NACC2: variants seen among roughly 807,000 people sequenced by gnomAD.
The protein encoded by NACC2 is NACC family member 2, also known as nucleus accumbens-associated protein 2.
Under a neutral mutation model 25.1 loss-of-function variants are expected in NACC2, and 8 were observed. The ratio of observed to expected loss-of-function variants is 0.32; its 90% CI spans 0.19 to 0.57. The LOEUF is 0.57. NACC2 is among the 20% of genes least tolerant of loss of function. The pLI is 0.89. For missense variants in NACC2, 644 were observed against 650.2 expected (o/e 0.99, Z 0.10); for synonymous variants, 435 against 294.7 (o/e 1.48, Z -4.88).
chr9:136,082,812 G>C (rs1830337938), intron 1 of NACC2, among the ~76,000 whole-genome samples: 2 of 152,158 alleles, frequency 1.3e-5, no homozygotes, highest in South Asian at 4.1e-4. Flanking sequence ...CCGTTCTCTG[G>C]GTGTTGACTG....
intron 1 of NACC2, among the ~76,000 whole-genome samples, chr9:136,058,441 G>A (rs914522026): frequency 1.3e-5 from 2 of 152,232 alleles, no homozygotes; most frequent in African/African-American, 4.8e-5. Context: ...GGGCTCCGGA[G>A]GCTCCCCAGG....
At chr9:136,063,855 G>A (rs571367034) in intron 1 of NACC2, among the ~76,000 whole-genome samples, 71 of 146,584 alleles carry the variant, frequency 4.8e-4, no homozygotes, top group Admixed American at 1.1e-3. Context: ...CTGCACCCCA[G>A]CCTGGGAAAC....
Position 136,011,972 on chromosome 9 carries a change from G to A in NACC2, c.1308C>T (p.Ile436=), listed in dbSNP as rs749858972. Residue 436 remains isoleucine (I), a synonymous_variant, in exon 6 of 6, where the codon ATC becomes ATT. Coordinates refer to ENST00000277554, the MANE Select transcript of NACC2 (RefSeq NM_144653.5). ...PSFKESEMNV[I]AADMCTNARR... is the part of the protein sequence containing the mutation. ...GGGCGTTGGTGCACATGTCCGCGGC[G>A]ATCACGTTCATCTCGCTCTCCTTGA... 1.8e-5 allele frequency: 29 copies of A among 1,605,954 alleles called. No individual in the cohort carries two copies. The highest frequency in any genetic ancestry group is 6.7e-5 in the African/African-American group (5 of 74,760).
At chr9:136,026,482 G>T (rs1170766057) in intron 2 of NACC2, among the ~76,000 whole-genome samples, 1 of 152,062 alleles carries the variant, frequency 6.6e-6, no homozygotes, top group Admixed American at 6.6e-5. Flanking sequence ...AGGAGAGGAG[G>T]CTGAGGCTCT....
rs924403628 is a variant in NACC2 at position 136,084,268 on chromosome 9, A to AC, written c.-60+10920dup. Among the ~76,000 whole-genome samples, 10 of 151,434 alleles carry AC rather than the reference A, an allele frequency of 6.6e-5. No individual in the cohort carries two copies. The highest frequency in any genetic ancestry group is 2.9e-5 in the Non-Finnish European group (2 of 67,846). On this transcript the variant is annotated intron_variant, in intron 1 of 5. Coordinates refer to ENST00000277554, the MANE Select transcript of NACC2 (RefSeq NM_144653.5). This position sits in a 1 kb window ranked among gnomAD's most constrained non-coding sequence, Gnocchi z 5.1. The stretch of plus-strand genomic sequence containing the variant: ...ACCCAGACCTGGTCCTGGGTAGCCA[A>AC]CCCCTCCCCTACTGCATGCCCCAGC...
intron 2 of NACC2, among the ~76,000 whole-genome samples, chr9:136,046,547 C>T (rs1222779326): frequency 6.6e-6 from 1 of 152,176 alleles, no homozygotes. Context: ...CTGAGCGTCC[C>T]GAGCCAGCGT....
At position 136,007,300 on chromosome 9, in the gene NACC2, A is replaced by G. The variant is rs1392728303; in HGVS notation, c.*4216T>C. 1 of 154,420 alleles carries G rather than the reference A, an allele frequency of 6.5e-6. No homozygotes were observed. The highest frequency in any genetic ancestry group is 1.9e-4 in the East Asian group (1 of 5,194). The allele number at this position is 154,420 out of a possible 1,614,324, so 9.6% of individuals were successfully genotyped here. On this transcript the variant is annotated 3_prime_UTR_variant, in exon 6 of 6. Coordinates refer to ENST00000277554, the MANE Select transcript of NACC2 (RefSeq NM_144653.5). ...GAAAAACCTTTGCCATTTTAGAACC[A>G]TCTTGTACCAAACCCTAAATGCTCC... is the stretch of plus-strand genomic sequence containing the variant.
chr9:136,090,732 T>C (rs1394707397), intron 1 of NACC2, among the ~76,000 whole-genome samples: 4 of 152,146 alleles, frequency 2.6e-5, no homozygotes, highest in African/African-American at 7.2e-5. Context: ...GGCATGACTA[T>C]GCGGAGGCTG....
chr9:136,013,365 G>C lies in NACC2; in HGVS notation c.1158-69C>G. 1 of 1,441,676 alleles carries C rather than the reference G, an allele frequency of 6.9e-7. No individual in the cohort carries two copies. Among genetic ancestry groups the C allele is most frequent in the Non-Finnish European group, 9.6e-7 (1 of 1,040,304 alleles). The allele number at this position is 1,441,676 out of a possible 1,614,324, so 89.3% of individuals were successfully genotyped here. A position where few individuals can be genotyped will look rare whatever the true frequency, so the allele number is the denominator to read the frequency against. On this transcript the variant is annotated intron_variant, in intron 4 of 5. Transcript: ENST00000277554. This position sits in a 1 kb window ranked among gnomAD's most constrained non-coding sequence, Gnocchi z 6.6. ...GAGGGTACCTGGAGGCGACCCGCCC[G>C]CACGAATGCCCTGCTGGGAGGCCAC...
At chr9:136,072,018 A>G (rs970374717) in intron 1 of NACC2, among the ~76,000 whole-genome samples, 1 of 151,964 alleles carries the variant, frequency 6.6e-6, no homozygotes, top group Non-Finnish European at 1.5e-5. Flanking sequence ...TGGGTGGATC[A>G]CCTGAGGTCA....
At chr9:136,059,506 C>T (rs2131169731) in intron 1 of NACC2, among the ~76,000 whole-genome samples, 1 of 152,342 alleles carries the variant, frequency 6.6e-6, no homozygotes, top group East Asian at 1.9e-4. Flanking sequence ...ACCCGGGCCG[C>T]CTCCTTGGGT....
chr9:136,074,884 C>A (rs1374730563), intron 1 of NACC2, among the ~76,000 whole-genome samples: 1 of 152,184 alleles, frequency 6.6e-6, no homozygotes, highest in African/African-American at 2.4e-5. Flanking sequence ...CCAGCCGAGG[C>A]GGAGTCGGCA....
chr9:136,063,065 T>C (rs1367672179), intron 1 of NACC2, among the ~76,000 whole-genome samples: 2 of 152,232 alleles, frequency 1.3e-5, no homozygotes, highest in Non-Finnish European at 2.9e-5. Flanking sequence ...CTAATTTTTG[T>C]TCTCGTTGTT....
intron 1 of NACC2, among the ~76,000 whole-genome samples, chr9:136,051,464 G>A (rs990695572): frequency 6.6e-6 from 1 of 152,208 alleles, no homozygotes; most frequent in Non-Finnish European, 1.5e-5. Flanking sequence ...CCGGACCCCG[G>A]GGCTGGGAGC....
intron 2 of NACC2, among the ~76,000 whole-genome samples, chr9:136,044,557 A>C (rs1840690580): frequency 1.3e-5 from 2 of 151,996 alleles, no homozygotes; most frequent in Admixed American, 1.3e-4. Context: ...AGATGAAGGC[A>C]CCCTCTGCTC....
intron 1 of NACC2, among the ~76,000 whole-genome samples, chr9:136,094,422 G>C (rs1347188144): frequency 6.6e-6 from 1 of 152,216 alleles, no homozygotes; most frequent in Non-Finnish European, 1.5e-5. Flanking sequence ...CACGATCCCA[G>C]CAAGAGAAGC....
At chr9:136,091,421 C>T (rs962208693) in intron 1 of NACC2, among the ~76,000 whole-genome samples, 2 of 152,266 alleles carry the variant, frequency 1.3e-5, no homozygotes, top group Admixed American at 1.3e-4. Context: ...CAGTGAGGAC[C>T]CAGGCCCAGC....
chr9:136,036,240 G>A (rs1242309195), intron 2 of NACC2, among the ~76,000 whole-genome samples: 2 of 152,146 alleles, frequency 1.3e-5, no homozygotes, highest in African/African-American at 4.8e-5. Context: ...ATGAGAATGT[G>A]CCCAACGTCA....
chr9:136,065,764 G>A (rs530471169), intron 1 of NACC2, among the ~76,000 whole-genome samples: 22 of 150,800 alleles, frequency 1.5e-4, no homozygotes, highest in African/African-American at 5.1e-4. Flanking sequence ...GGCTGGAGCC[G>A]TGATCACGCC....
Sources: allele counts gnomAD v4.1 joint callset (sites outside exome capture counted in the v4.1 genomes callset), GRCh38; gene constraint gnomAD v4.1.1; non-coding constraint Gnocchi (gnomAD v3.1); transcripts MANE v1.5; gene names NCBI Gene and HGNC (gene_info 2026-07-23, HGNC 2026-07-21).